The following GLA variants were observed in gnomAD, a reference collection of about 807,000 sequenced individuals.
The protein encoded by GLA is alpha-galactosidase A.
A neutral mutation model predicts 28.2 loss-of-function variants in GLA; 4 were observed. The observed-to-expected ratio is 0.14, with a 90% CI of 0.07 to 0.32. The LOEUF is 0.32. GLA is among the 10% of genes least tolerant of loss of function. The pLI is 1.00. For missense variants in GLA, 203 were observed against 323.7 expected, an observed-to-expected ratio of 0.63 and a Z score of 2.86; for synonymous variants, 94 against 113.0, an observed-to-expected ratio of 0.83 and a Z score of 1.07.
intron 2 of GLA, among the ~76,000 whole-genome samples, chrX:101,403,305 A>C (rs2147479778): frequency 9.2e-6 from 1 of 108,967 alleles, no homozygotes; most frequent in Non-Finnish European, 1.9e-5. Flanking sequence ...TCTCAAAAAA[A>C]AAAAAAAAAA....
chrX:101,403,096 G>A (rs1309983453), intron 2 of GLA, among the ~76,000 whole-genome samples: 4 of 109,564 alleles, frequency 3.7e-5, no homozygotes, highest in Non-Finnish European at 5.7e-5. Flanking sequence ...TCAGGAGATC[G>A]AGACCATCTT....
At chrX:101,402,812 C>T (rs971180305) in intron 2 of GLA, among the ~76,000 whole-genome samples, 1 of 111,607 alleles carries the variant, frequency 9.0e-6, no homozygotes, top group Admixed American at 9.5e-5. Flanking sequence ...GACTCCATTT[C>T]TCTTCAATGA....
chrX:101,407,074 C>A (rs1217230718), intron 1 of GLA, among the ~76,000 whole-genome samples: 1 of 112,102 alleles, frequency 8.9e-6, no homozygotes, highest in Non-Finnish European at 1.9e-5. Flanking sequence ...AACCCTCACG[C>A]AAAGGTGTAA....
Position 101,398,945 on chromosome X carries a change from G to A in GLA, c.641C>T (p.Pro214Leu), listed in dbSNP as rs869312150. The A allele has an allele frequency of 8.3e-7, 1 of 1,202,500 alleles. No individual in the cohort carries two copies. The highest frequency in any genetic ancestry group is 1.1e-6 in the Non-Finnish European group (1 of 888,018). The change falls in exon 5 of 7, where the codon CCC (proline) becomes CTC (leucine). Residue 214 changes from proline (P) to leucine (L), a missense_variant and splice_region_variant. Physicochemically the swap from Pro to Leu is moderately conservative, Grantham distance 98. Transcript: ENST00000218516. ...WPLYMWPFQK[P>L]NYTEIRQYCN... ...GTACTGTCGGATTTCTGTATAATTG[G>A]GCTGTGAAAACAGATATGACTCTTC... is the stretch of plus-strand genomic sequence containing the variant.
chrX:101,398,690 C>A, intron 5 of GLA, 95 bp downstream of exon 5: 1 of 1,060,530 alleles, frequency 9.4e-7, no homozygotes, highest in East Asian at 3.0e-5. Context: ...CACATAAAGC[C>A]TCCTCCCAGG....
At chrX:101,404,023 A>C in intron 1 of GLA, 38 bp from the exon 2 acceptor site, 1 of 1,142,077 alleles carries the variant, frequency 8.8e-7, no homozygotes, top group Non-Finnish European at 1.2e-6. Context: ...CAATTCATTA[A>C]ATGAACACTT....
At chrX:101,400,971 G>A (rs1603041388) in intron 3 of GLA, 1 of 270,448 alleles carries the variant, frequency 3.7e-6, no homozygotes, top group East Asian at 6.8e-5. Flanking sequence ...AAGTAGCTGG[G>A]ATTACAGGCA....
At chrX:101,398,157 T>C in intron 6 of GLA, 58 bp from the exon 7 acceptor site, 1 of 1,036,590 alleles carries the variant, frequency 9.6e-7, no homozygotes, top group Non-Finnish European at 1.4e-6. Flanking sequence ...CCCTGTTAGT[T>C]TGGCATTCAT....
At position 101,407,592 on chromosome X, in the gene GLA, G is replaced by C. The variant is rs1928571379; in HGVS notation, c.194+118C>G. 4.5e-6 allele frequency: 3 copies of C among 670,027 alleles called. No homozygotes were observed. The South Asian group carries it at 6.5e-5, about 14-fold the overall frequency. The allele number at this position is 670,027 out of a possible 1,213,427, so 55.2% of individuals were successfully genotyped here. The stretch of plus-strand genomic sequence containing the variant: ...TGCTGGGGATAAAAAAGCAGCAGCA[G>C]AGTCGGGTGGGGGAGCTCTCCCTCG... On this transcript the variant is annotated intron_variant, in intron 1 of 6. Transcript: ENST00000218516.
At chrX:101,404,566 C>CTTTTTTTTTTTTT (rs1171364737) in intron 1 of GLA, among the ~76,000 whole-genome samples, 8 of 79,213 alleles carry the variant, frequency 1.0e-4, no homozygotes, top group African/African-American at 3.7e-4. Context: ...TCCTTTTTAT[C>CTTTTTTTTTTTTT]TTTTTTTTTT....
rs398123217 is a variant in GLA, at chrX:101,398,939, T to C, written c.647A>G (p.Tyr216Cys). Reference protein sequence around the residue: ...LYMWPFQKPNYTEIRQYCNHW... With the variant: ...LYMWPFQKPNCTEIRQYCNHW... The stretch of plus-strand genomic sequence containing the variant: ...ATTGCAGTACTGTCGGATTTCTGTA[T>C]AATTGGGCTGTGAAAACAGATATGA... The change falls in exon 5 of 7, where the codon TAT (tyrosine) becomes TGT (cysteine). Residue 216 changes from tyrosine (Y) to cysteine (C), a missense_variant. Tyr to Cys is a radical substitution (Grantham distance 194). Coordinates refer to ENST00000218516, the MANE Select transcript of GLA (RefSeq NM_000169.3). The C allele has an allele frequency of 8.3e-7, 1 of 1,203,065 alleles. No homozygotes were observed. Among genetic ancestry groups the C allele is most frequent in the Non-Finnish European group, 1.1e-6 (1 of 888,131 alleles).
At chrX:101,403,761 G>A in intron 2 of GLA, 50 bp downstream of exon 2, 1 of 1,127,128 alleles carries the variant, frequency 8.9e-7, no homozygotes, top group Non-Finnish European at 1.2e-6. Flanking sequence ...CTTCTGTACA[G>A]AAGTGCTTAC....
At position 101,398,072 on chromosome X, in the gene GLA, G is replaced by A. The variant is rs782312118; in HGVS notation, c.1027C>T (p.Pro343Ser). The change falls in exon 7 of 7, where the codon CCT (proline) becomes TCT (serine). Residue 343 changes from proline to serine, a missense_variant. Physicochemically the swap from Pro to Ser is moderately conservative, Grantham distance 74 (BLOSUM62 -1). Around this residue, in one of 3 missense-constraint regions of GLA, gnomAD observed 162 missense variants for 246.8 expected, o/e 0.66. Coordinates refer to ENST00000218516, the MANE Select transcript of GLA (RefSeq NM_000169.3). ...QGDNFEVWER[P>S]LSGLAWAVAM... ...ACAGCCCAGGCTAAGCCTGAGAGAG[G>A]TCGTTCCCACACTTCAAAGTTGTCT... 2 of 1,211,687 alleles carry A rather than the reference G, an allele frequency of 1.7e-6. No homozygotes were observed. Among genetic ancestry groups the A allele is most frequent in the South Asian group, 1.8e-5 (1 of 57,007 alleles).
chrX:101,401,274 A>T (rs1364940552), intron 3 of GLA: 1 of 274,827 alleles, frequency 3.6e-6, no homozygotes, highest in African/African-American at 2.8e-5. Context: ...TAGTGCAGAG[A>T]TGGTGTGTAT....
chrX:101,398,323 T>G (rs1555984909), intron 6 of GLA, 47 bp downstream of exon 6: 7 of 969,456 alleles, frequency 7.2e-6, no homozygotes, highest in Non-Finnish European at 1.0e-5. Flanking sequence ...AAGACAAAGT[T>G]GGTATTGGGT....
chrX:101,401,683 G>T lies in GLA; in HGVS notation c.496C>A (p.Leu166Met), dbSNP rs1928320069. 1 of 1,210,421 alleles carries T rather than the reference G, an allele frequency of 8.3e-7. No homozygotes were observed. Among genetic ancestry groups the T allele is most frequent in the African/African-American group, 1.7e-5 (1 of 57,711 alleles). ...AQTFADWGVD[L>M]LKFDGCYCDS... is the part of the protein sequence containing the mutation. ...CAGTAACAACCATCAAATTTTAGCA[G>T]ATCTACTCCCCAGTCAGCAAAGGTC... The change falls in exon 3 of 7, where the codon CTG becomes ATG. Residue 166 changes from leucine (L) to methionine (M), a missense_variant. Around this residue, in one of 3 missense-constraint regions of GLA, gnomAD observed 162 missense variants for 246.8 expected, o/e 0.66. Coordinates refer to ENST00000218516, the MANE Select transcript of GLA (RefSeq NM_000169.3).
intron 3 of GLA, chrX:101,400,982 T>C: frequency 3.8e-6 from 1 of 260,647 alleles, no homozygotes; most frequent in Non-Finnish European, 6.7e-6. Flanking sequence ...ATTACAGGCA[T>C]GTGCCACCAA....
chrX:101,407,179 C>A (rs1476198963), intron 1 of GLA, among the ~76,000 whole-genome samples: 1 of 111,917 alleles, frequency 8.9e-6, no homozygotes, highest in African/African-American at 3.3e-5. Flanking sequence ...CTCTCTAACT[C>A]CCTCGAGATA....
In GLA at chrX:101,400,711, A is replaced by C; in HGVS notation, c.594T>G (p.Ile198Met). 1 of 1,194,266 alleles carries C rather than the reference A, an allele frequency of 8.4e-7. No individual in the cohort carries two copies. Among genetic ancestry groups the C allele is most frequent in the Non-Finnish European group, 1.1e-6 (1 of 879,442 alleles). ...AAAGAGGCCACTCACAGGAGTACAC[A>C]ATGCTTCTGCCAGTCCTATTCAGGG... Reference protein sequence around the residue: ...SLALNRTGRSIVYSCEWPLYM... With the variant: ...SLALNRTGRSMVYSCEWPLYM... The change falls in exon 4 of 7, where the codon ATT becomes ATG. Residue 198 changes from isoleucine to methionine, a missense_variant. Ile to Met is a conservative substitution (Grantham distance 10). Coordinates refer to ENST00000218516, the MANE Select transcript of GLA (RefSeq NM_000169.3).
Sources: gnomAD v4.1 joint callset for allele counts (sites outside exome capture counted in the v4.1 genomes callset) on GRCh38, gnomAD v4.1.1 for gene constraint, gnomAD v4.1.1 regional missense constraint, MANE v1.5 for transcripts, NCBI Gene and HGNC (gene_info 2026-07-23, HGNC 2026-07-21) for gene names.